The following ALG9 variants were observed in gnomAD, a reference collection of about 807,000 sequenced individuals.
ALG9 encodes ALG9 alpha-1,2-mannosyltransferase.
A neutral mutation model predicts 81.8 loss-of-function variants in ALG9; 55 were observed. The observed-to-expected ratio is 0.67, with a 90% CI of 0.54 to 0.84. The LOEUF (loss-of-function observed/expected upper bound fraction) is 0.84, where lower values mean the gene tolerates loss of function less well. Among genes scored for constraint, ALG9 ranks in the 40% least tolerant of loss-of-function variants. ALG9 has a pLI of 0.00. For synonymous variants in ALG9, 278 were observed against 274.3 expected (o/e 1.01, Z -0.13); for missense variants, 629 against 745.0 (o/e 0.84, Z 1.81).
intron 1 of ALG9, 109 bp downstream of exon 1, chr11:111,871,243 G>T: frequency 1.5e-6 from 2 of 1,315,282 alleles, no homozygotes; most frequent in South Asian, 4.4e-5. Context: ...GGCCTCCCGC[G>T]GTGAGGCCAG....
downstream of ALG9, among the ~76,000 whole-genome samples, chr11:111,781,445 A>T (rs1287339984): frequency 2.0e-5 from 3 of 152,258 alleles, no homozygotes; most frequent in African/African-American, 4.8e-5. Flanking sequence ...TATAAAAATT[A>T]AAAAAAATTT....
intron 14 of ALG9, 104 bp downstream of exon 14, chr11:111,809,539 C>CACAT (rs55919427): frequency 2.9e-6 from 4 of 1,378,982 alleles, no homozygotes; most frequent in African/African-American, 1.4e-5. Flanking sequence ...CACACACACA[C>CACAT]GATGGCTACT....
Position 111,870,664 on chromosome 11 carries a change from A to G in ALG9, c.132-294T>C, listed in dbSNP as rs533411727. The stretch of plus-strand genomic sequence containing the variant: ...TCAGCCTTCTGAAGAATTGACTTTA[A>G]TCACTCAATCACTCCTTCCACTTCC... On this transcript the variant is annotated intron_variant, in intron 1 of 14. Coordinates refer to ENST00000616540, the MANE Select transcript of ALG9 (RefSeq NM_024740.2). 1,985 of 869,746 alleles carry G rather than the reference A, an allele frequency of 2.3e-3. 7 individuals are homozygous for G. Among genetic ancestry groups the G allele is most frequent in the Non-Finnish European group, 2.7e-3 (1,826 of 686,462 alleles). The allele number at this position is 869,746 out of a possible 1,614,324, so 53.9% of individuals were successfully genotyped here.
intron 13 of ALG9, among the ~76,000 whole-genome samples, chr11:111,830,384 T>G (rs1954139031): frequency 6.6e-6 from 1 of 152,212 alleles, no homozygotes; most frequent in African/African-American, 2.4e-5. Flanking sequence ...TAAATACATA[T>G]TTGTTGATTG....
At chr11:111,781,962 C>T (rs1381701439), downstream of ALG9, among the ~76,000 whole-genome samples, 1 of 152,200 alleles carries the variant, frequency 6.6e-6, no homozygotes, top group Non-Finnish European at 1.5e-5. Flanking sequence ...TTAATTCCTA[C>T]TGTGCGTGGT....
At chr11:111,808,086 G>A (rs1197604125) in intron 14 of ALG9, among the ~76,000 whole-genome samples, 1 of 152,144 alleles carries the variant, frequency 6.6e-6, no homozygotes, top group Non-Finnish European at 1.5e-5. Flanking sequence ...TTTTGTTGCT[G>A]TTGTTAAGAA....
intron 14 of ALG9, among the ~76,000 whole-genome samples, chr11:111,787,427 T>C (rs1226450100): frequency 2.0e-5 from 3 of 152,136 alleles, no homozygotes; most frequent in East Asian, 1.9e-4. Context: ...AGCGAGACCC[T>C]ATCTCAATAA....
At chr11:111,865,335 T>A (rs1351464029) in intron 3 of ALG9, 84 bp from the exon 4 acceptor site, 8 of 993,774 alleles carry the variant, frequency 8.1e-6, no homozygotes, top group Non-Finnish European at 1.1e-5. Context: ...TCATTTATTG[T>A]CAATAACACT....
chr11:111,842,333 T>C (rs1956341403), intron 9 of ALG9, among the ~76,000 whole-genome samples: 1 of 152,210 alleles, frequency 6.6e-6, no homozygotes, highest in Non-Finnish European at 1.5e-5. Flanking sequence ...ATGTCCTCCA[T>C]AAAATATACA....
At chr11:111,858,641 T>C (rs1175138415) in intron 5 of ALG9, among the ~76,000 whole-genome samples, 6 of 152,210 alleles carry the variant, frequency 3.9e-5, no homozygotes, top group African/African-American at 1.4e-4. Context: ...ACAGGGTCTC[T>C]GGAACAGAAA....
At chr11:111,866,836 G>A (rs1172283329) in intron 3 of ALG9, among the ~76,000 whole-genome samples, 3 of 151,476 alleles carry the variant, frequency 2.0e-5, no homozygotes, top group African/African-American at 7.3e-5. Flanking sequence ...GCTCACGCCC[G>A]TAATCCCAGC....
At chr11:111,779,119 T>C (rs1027600632), downstream of ALG9, among the ~76,000 whole-genome samples, 1 of 151,652 alleles carries the variant, frequency 6.6e-6, no homozygotes, top group Non-Finnish European at 1.5e-5. Context: ...CGGCCAATAG[T>C]GGCAAATTTT....
intron 8 of ALG9, 137 bp downstream of exon 8, chr11:111,853,243 G>A (rs974901252): frequency 2.8e-6 from 2 of 723,810 alleles, no homozygotes; most frequent in Non-Finnish European, 5.0e-6. Flanking sequence ...ATACTCAGAT[G>A]TCATTTTTAA....
intron 13 of ALG9, among the ~76,000 whole-genome samples, chr11:111,834,623 T>C (rs1244540731): frequency 6.6e-6 from 1 of 152,220 alleles, no homozygotes; most frequent in Non-Finnish European, 1.5e-5. Flanking sequence ...AATGCAGGCC[T>C]ACTCAACTCC....
intron 13 of ALG9, among the ~76,000 whole-genome samples, chr11:111,815,961 C>T (rs1287469020): frequency 6.6e-6 from 1 of 152,144 alleles, no homozygotes; most frequent in Non-Finnish European, 1.5e-5. Flanking sequence ...AAGTTAAACC[C>T]AACATACAGG....
chr11:111,805,864 G>A (rs1324367924), intron 14 of ALG9, among the ~76,000 whole-genome samples: 12 of 152,184 alleles, frequency 7.9e-5, no homozygotes, highest in Non-Finnish European at 1.2e-4. Context: ...TGTTGCTGCT[G>A]TTTTGAGGCA....
rs553047310 is a variant in ALG9, at chr11:111,836,381, T to C, written c.1473-87A>G. ...AAACAAACAAGCCAGGAAAATCATG[T>C]GAAAAACATTTCTCTTGAAGAAAAA... On this transcript the variant is annotated intron_variant, in intron 12 of 14. Transcript: ENST00000616540. 58 of 1,543,050 alleles carry C rather than the reference T, an allele frequency of 3.8e-5. No individual in the cohort carries two copies. In the African/African-American group the frequency reaches 6.6e-4, roughly 18 times the overall value.
chr11:111,868,556 C>T, intron 3 of ALG9, 46 bp downstream of exon 3: 1 of 1,596,066 alleles, frequency 6.3e-7, no homozygotes. Context: ...ACCAGAGACT[C>T]ACCTCTTGAT....
chr11:111,864,203 G>A (rs567424067), intron 4 of ALG9: 24 of 655,546 alleles, frequency 3.7e-5, no homozygotes, highest in South Asian at 1.8e-4. Flanking sequence ...GTCAGGCCCC[G>A]CTGACCCACG....
Sources: gnomAD v4.1 joint callset for allele counts (sites outside exome capture counted in the v4.1 genomes callset) on GRCh38, gnomAD v4.1.1 for gene constraint, MANE v1.5 for transcripts, NCBI Gene and HGNC (gene_info 2026-07-23, HGNC 2026-07-21) for gene names.